The following ZDHHC1 variants were observed in gnomAD, a reference collection of about 807,000 sequenced individuals.
The protein encoded by ZDHHC1 is zDHHC palmitoyltransferase 1, also known as palmitoyltransferase ZDHHC1.
Under a neutral mutation model 46.9 loss-of-function variants are expected in ZDHHC1, and 45 were observed. The ratio of observed to expected loss-of-function variants is 0.96; its 90% CI spans 0.76 to 1.23. The LOEUF (loss-of-function observed/expected upper bound fraction) is 1.23, where lower values mean the gene tolerates loss of function less well. Among genes scored for constraint, ZDHHC1 ranks in the 50% most tolerant of loss-of-function variants. The pLI is 0.00. For missense variants in ZDHHC1, 649 were observed against 670.8 expected (o/e 0.97, Z 0.36); for synonymous variants, 291 against 286.0 (o/e 1.02, Z -0.18).
chr16:67,408,138 A>G (rs560982626), intron 1 of ZDHHC1, among the ~76,000 whole-genome samples: 2 of 151,624 alleles, frequency 1.3e-5, no homozygotes, highest in African/African-American at 2.4e-5. Flanking sequence ...CAGGGATTCA[A>G]CTGGTGGTAT....
chr16:67,404,597 G>C (rs959034997), intron 3 of ZDHHC1: 1 of 439,630 alleles, frequency 2.3e-6, no homozygotes, highest in Non-Finnish European at 4.6e-6. Flanking sequence ...CCTGAATGCG[G>C]AGACAAAGCC....
chr16:67,408,855 T>A (rs1240816978), intron 1 of ZDHHC1, among the ~76,000 whole-genome samples: 3 of 152,228 alleles, frequency 2.0e-5, no homozygotes, highest in Non-Finnish European at 4.4e-5. Flanking sequence ...TCAAAGGTCA[T>A]CAGGTCAAGC....
intron 1 of ZDHHC1, among the ~76,000 whole-genome samples, chr16:67,409,343 C>T (rs573118717): frequency 5.3e-5 from 8 of 151,880 alleles, no homozygotes; most frequent in Middle Eastern, 3.4e-3. Context: ...TACTCCAAAT[C>T]GGATACCCCC....
In ZDHHC1 at chr16:67,406,394, C is replaced by T; in HGVS notation, c.58G>A (p.Val20Met). 2 of 1,576,452 alleles carry T rather than the reference C, an allele frequency of 1.3e-6. No homozygotes were observed. The highest frequency in any genetic ancestry group is 1.7e-6 in the Non-Finnish European group (2 of 1,160,780). The change falls in exon 3 of 12, where the codon GTG becomes ATG. Residue 20 changes from valine (V) to methionine (M), a missense_variant. Val to Met is a conservative substitution (Grantham distance 21). Transcript: ENST00000565726. The surrounding 1 kb of genome is among the most constrained non-coding windows in gnomAD (Gnocchi z 4.1). The part of the protein sequence containing the change: ...PSNKTAPEKS[V>M]WTAPAQPSGP... ...CTGGGCTGTGCCGGTGCCGTCCACA[C>T]ACTCTTCTCAGGGGCCGTCTTGTTG...
intron 1 of ZDHHC1, among the ~76,000 whole-genome samples, chr16:67,411,220 A>C (rs2040743557): frequency 6.6e-6 from 1 of 152,144 alleles, no homozygotes; most frequent in South Asian, 2.1e-4. Flanking sequence ...AAGCTACCTG[A>C]GGGCTTCAGA....
rs922073250 is a variant in ZDHHC1 at position 67,410,970 on chromosome 16, C to G, written c.-38-3157G>C. Among the ~76,000 whole-genome samples the G allele has an allele frequency of 2.0e-5, 3 of 152,066 alleles. No homozygotes were observed. The South Asian group carries it at 6.2e-4, about 31-fold the overall frequency. On this transcript the variant is annotated intron_variant, in intron 1 of 11. Coordinates refer to ENST00000565726, the MANE Select transcript of ZDHHC1 (RefSeq NM_001323627.2). ...GGCATGAGCCACCACGCCCTGCCTG[C>G]GTACCTTAATTTATATGCTTAAGTC...
Position 67,399,070 on chromosome 16 carries a change from C to T in ZDHHC1, c.531-126G>A. The T allele has an allele frequency of 3.7e-6, 5 of 1,343,122 alleles. No individual in the cohort carries two copies. In the South Asian group the frequency reaches 7.6e-5, roughly 20 times the overall value. 83.2% of individuals were successfully genotyped at this position (1,343,122 alleles called of 1,614,324 possible). On this transcript the variant is annotated intron_variant, in intron 5 of 11. Coordinates refer to ENST00000565726, the MANE Select transcript of ZDHHC1 (RefSeq NM_001323627.2). ...TGAGGGTGACCCCACAGCCCCAACTCCTCAGAAGCCAAAGGCATACGGCAA... is the reference window on the plus strand; with the variant it reads ...TGAGGGTGACCCCACAGCCCCAACTTCTCAGAAGCCAAAGGCATACGGCAA...
intron 1 of ZDHHC1, among the ~76,000 whole-genome samples, chr16:67,411,822 A>G (rs2142262507): frequency 6.6e-6 from 1 of 152,362 alleles, no homozygotes; most frequent in East Asian, 1.9e-4. Context: ...AGTGAATGAA[A>G]ACAAAGGGGG....
intron 3 of ZDHHC1, among the ~76,000 whole-genome samples, chr16:67,402,692 T>C (rs2040575827): frequency 6.6e-6 from 1 of 151,916 alleles, no homozygotes; most frequent in Non-Finnish European, 1.5e-5. Context: ...AATGGCACGA[T>C]CTTGGCTCAC....
chr16:67,395,408 A>ATG, intron 9 of ZDHHC1, 76 bp downstream of exon 9: 1 of 1,540,964 alleles, frequency 6.5e-7, no homozygotes, highest in Non-Finnish European at 8.7e-7. Context: ...ACCTTAGCCT[A>ATG]CCCCCTTCTC....
Position 67,406,506 on chromosome 16 carries a change from G to C in ZDHHC1, c.10-64C>G. 6.9e-7 allele frequency: 1 copy of C among 1,445,462 alleles called. No homozygotes were observed. The highest frequency in any genetic ancestry group is 9.1e-7 in the Non-Finnish European group (1 of 1,099,008). 89.5% of individuals were successfully genotyped at this position (1,445,462 alleles called of 1,614,324 possible). A position where few individuals can be genotyped will look rare whatever the true frequency, so the allele number is the denominator to read the frequency against. ...GAAGCTGGGCTGGAGCCCAGGGCCT[G>C]TGTCTGCAGCCAAGTTTCAGCACAG... is the stretch of plus-strand genomic sequence containing the variant. On this transcript the variant is annotated intron_variant, in intron 2 of 11. Coordinates refer to ENST00000565726, the MANE Select transcript of ZDHHC1 (RefSeq NM_001323627.2). This position sits in a 1 kb window ranked among gnomAD's most constrained non-coding sequence, Gnocchi z 4.1.
intron 7 of ZDHHC1, 68 bp from the exon 8 acceptor site, chr16:67,398,392 A>T: frequency 1.3e-6 from 2 of 1,554,174 alleles, no homozygotes; most frequent in Non-Finnish European, 1.8e-6. Flanking sequence ...AGGAGGGAGG[A>T]CAACCAGCCC....
At chr16:67,414,772 G>C (rs1366257505) in intron 1 of ZDHHC1, among the ~76,000 whole-genome samples, 1 of 152,236 alleles carries the variant, frequency 6.6e-6, no homozygotes, top group African/African-American at 2.4e-5. Flanking sequence ...AGGAGGCACA[G>C]CTAGATTGGC....
Position 67,398,901 on chromosome 16 carries a change from G to A in ZDHHC1, c.574C>T (p.Leu192Phe). 6.2e-7 allele frequency: 1 copy of A among 1,613,532 alleles called. No individual in the cohort carries two copies. The highest frequency in any genetic ancestry group is 8.5e-7 in the Non-Finnish European group (1 of 1,179,766). ...ACATATGTGGCCACCAGCACCAGGA[G>A]CAGGACGCCCAGTAAAGCGGATGCA... is the stretch of plus-strand genomic sequence containing the variant. ...SVASALLGVL[L>F]LVLVATYVFV... Residue 192 changes from leucine to phenylalanine, a missense_variant, in exon 6 of 12, where the codon CTC becomes TTC. Transcript: ENST00000565726.
intron 8 of ZDHHC1, chr16:67,395,826 G>A: frequency 5.9e-6 from 3 of 509,574 alleles, no homozygotes; most frequent in South Asian, 4.6e-5. Context: ...GCCCCCATGG[G>A]TCTATAGGCC....
Position 67,414,297 on chromosome 16 carries a change from T to C in ZDHHC1, c.-39+1874A>G, listed in dbSNP as rs75026331. ...AAACAAAACAAAACAATCTGGCTAA[T>C]TAAGCACCACTGTTGCTTTTACTGC... On this transcript the variant is annotated intron_variant, in intron 1 of 11. Transcript: ENST00000565726. Among the ~76,000 whole-genome samples the C allele has an allele frequency of 3.6e-3, 554 of 152,328 alleles. 1 individual carries two copies. Among genetic ancestry groups the C allele is most frequent in the African/African-American group, 0.012 (515 of 41,560 alleles).
intron 4 of ZDHHC1, among the ~76,000 whole-genome samples, chr16:67,399,734 GC>G (rs2040512157): frequency 6.6e-6 from 1 of 152,126 alleles, no homozygotes; most frequent in Non-Finnish European, 1.5e-5. Flanking sequence ...TAGCTGATGC[GC>G]CATGAAACAG....
chr16:67,415,856 T>G (rs915953768), intron 1 of ZDHHC1, among the ~76,000 whole-genome samples: 2 of 152,174 alleles, frequency 1.3e-5, no homozygotes, highest in South Asian at 2.1e-4. Context: ...TAACCCGACC[T>G]GAAATCACTT....
rs570066316 is a variant in ZDHHC1, at chr16:67,406,902, G to A, written c.10-460C>T. Among the ~76,000 whole-genome samples, 11 of 152,308 alleles carry A rather than the reference G, an allele frequency of 7.2e-5. No individual in the cohort carries two copies. Among genetic ancestry groups the A allele is most frequent in the South Asian group, 4.1e-4 (2 of 4,820 alleles). On this transcript the variant is annotated intron_variant, in intron 2 of 11. Coordinates refer to ENST00000565726, the MANE Select transcript of ZDHHC1 (RefSeq NM_001323627.2). The surrounding 1 kb of genome is among the most constrained non-coding windows in gnomAD (Gnocchi z 4.1). The stretch of plus-strand genomic sequence containing the variant: ...CCCGCTATCCTTTGCTCAGGGAAAC[G>A]GGGAATGGGGTGCCCAGAAGGAGGA...
Sources: gnomAD v4.1 joint callset for allele counts (sites outside exome capture counted in the v4.1 genomes callset) on GRCh38, gnomAD v4.1.1 for gene constraint, Gnocchi (gnomAD v3.1) non-coding constraint, MANE v1.5 for transcripts, NCBI Gene and HGNC (gene_info 2026-07-23, HGNC 2026-07-21) for gene names.